PCDH15: variants seen among roughly 807,000 people sequenced by gnomAD.
The protein encoded by PCDH15 is protocadherin related 15, also known as protocadherin-15.
In PCDH15, 129 loss-of-function variants were observed where a neutral mutation model predicts 178.5. The observed-to-expected ratio is 0.72, with a 90% CI of 0.63 to 0.84. The LOEUF (loss-of-function observed/expected upper bound fraction) is 0.84, where lower values mean the gene tolerates loss of function less well. Ranked by LOEUF, PCDH15 falls within the 40% of genes least tolerant of loss-of-function variation. PCDH15 has a pLI of 0.00. For missense variants in PCDH15, 2,230 were observed against 2,099.9 expected (o/e 1.06, Z -1.21); for synonymous variants, 800 against 732.0 (o/e 1.09, Z -1.50).
Position 55,453,854 on chromosome 10 carries a change from C to T in PCDH15, c.-156+173771G>A, listed in dbSNP as rs1475791783. Among the ~76,000 whole-genome samples, 4 of 152,148 alleles carry T rather than the reference C, an allele frequency of 2.6e-5. No individual in the cohort carries two copies. The South Asian group carries it at 8.3e-4, about 32-fold the overall frequency. On this transcript the variant is annotated intron_variant, in intron 2 of 5. Transcript: ENST00000613346. ...TATCTTGAAATAAAAGACTATCCCT[C>T]GAGGATATCTCATTTAGCTTCTGCT...
chr10:55,245,492 A>G (rs1203479651), intron 1 of PCDH15, among the ~76,000 whole-genome samples: 1 of 152,128 alleles, frequency 6.6e-6, no homozygotes, highest in Non-Finnish European at 1.5e-5. Flanking sequence ...ATTCTGACCC[A>G]AGCTATGGAA....
chr10:54,955,933 A>G (rs952066922), intron 2 of PCDH15, among the ~76,000 whole-genome samples: 1 of 151,482 alleles, frequency 6.6e-6, no homozygotes, highest in Non-Finnish European at 1.5e-5. Flanking sequence ...GCAAAGCCAT[A>G]ATGAAATTCA....
rs552223874 is a variant in PCDH15 at position 54,676,118 on chromosome 10, G to A, written c.-28-11828C>T. 2.0e-5 allele frequency among the ~76,000 whole-genome samples: 3 copies of A among 152,134 alleles called. No individual in the cohort carries two copies. In the South Asian group the frequency reaches 6.2e-4, roughly 32 times the overall value. ...TGTAAATTCTCACAGAGAGTATGGA[G>A]ATGTTTGTACATAAATATATACTTA... On this transcript the variant is annotated intron_variant, in intron 1 of 37. Transcript: ENST00000644397.
chr10:54,090,978 CT>C (rs898562493), intron 15 of PCDH15, among the ~76,000 whole-genome samples: 4 of 152,016 alleles, frequency 2.6e-5, no homozygotes, highest in African/African-American at 4.8e-5. Flanking sequence ...AAATATTAAC[CT>C]TTTTGTTGGT....
intron 9 of PCDH15, among the ~76,000 whole-genome samples, chr10:54,218,550 G>C (rs116140253): frequency 0.018 from 2,762 of 151,118 alleles, 102 homozygotes; most frequent in African/African-American, 0.065. Context: ...TCTGTCCAAG[G>C]GCACACAGAG....
chr10:55,337,447 A>G (rs1844424740), intron 2 of PCDH15, among the ~76,000 whole-genome samples: 2 of 152,212 alleles, frequency 1.3e-5, no homozygotes, highest in South Asian at 4.1e-4. Flanking sequence ...CCCATAGATT[A>G]AACTAAATCC....
intron 1 of PCDH15, among the ~76,000 whole-genome samples, chr10:54,798,801 G>A (rs138280800): frequency 2.6e-4 from 39 of 152,126 alleles, no homozygotes; most frequent in Admixed American, 1.5e-3. Flanking sequence ...AAATGTAAAT[G>A]TATATGGGGG....
chr10:54,627,099 G>A (rs867553900), intron 2 of PCDH15, among the ~76,000 whole-genome samples: 1 of 152,156 alleles, frequency 6.6e-6, no homozygotes, highest in African/African-American at 2.4e-5. Flanking sequence ...GACTGTATCT[G>A]CATTGTATCT....
chr10:55,308,376 A>T (rs1346961694), intron 1 of PCDH15, among the ~76,000 whole-genome samples: 1 of 152,146 alleles, frequency 6.6e-6, no homozygotes, highest in Admixed American at 6.5e-5. Context: ...ATAGCCAGAA[A>T]CACTTTCCAC....
At chr10:55,428,869 G>T (rs562904497) in intron 2 of PCDH15, among the ~76,000 whole-genome samples, 1 of 151,198 alleles carries the variant, frequency 6.6e-6, no homozygotes. Flanking sequence ...ATTAATATCC[G>T]TTTTTCCCAT....
intron 2 of PCDH15, among the ~76,000 whole-genome samples, chr10:55,129,662 A>G (rs868276839): frequency 6.6e-6 from 1 of 152,092 alleles, no homozygotes; most frequent in Admixed American, 6.6e-5. Flanking sequence ...TGTACCTGTC[A>G]GTTTTAAAGA....
intron 2 of PCDH15, among the ~76,000 whole-genome samples, chr10:55,574,923 T>C (rs967621471): frequency 2.0e-5 from 3 of 152,092 alleles, no homozygotes; most frequent in East Asian, 1.9e-4. Context: ...CTCTTGATGG[T>C]TGAACCTAGA....
intron 26 of PCDH15, among the ~76,000 whole-genome samples, chr10:53,883,238 A>C (rs954005116): frequency 5.3e-5 from 8 of 152,102 alleles, no homozygotes; most frequent in Non-Finnish European, 1.0e-4. Context: ...TCTTCCAGCA[A>C]ACTAGGATCA....
chr10:55,464,005 GAA>G (rs773166226), intron 2 of PCDH15, among the ~76,000 whole-genome samples: 1 of 66,960 alleles, frequency 1.5e-5, no homozygotes, highest in Admixed American at 1.6e-4. Flanking sequence ...AAGAAAGAAA[GAA>G]AGAAAGAAAG....
intron 2 of PCDH15, among the ~76,000 whole-genome samples, chr10:55,427,539 C>T (rs1838785649): frequency 6.6e-6 from 1 of 152,090 alleles, no homozygotes; most frequent in Non-Finnish European, 1.5e-5. Flanking sequence ...CGAAGAGCAG[C>T]ATATAAAATA....
At chr10:54,009,501 G>A (rs887405672) in intron 20 of PCDH15, among the ~76,000 whole-genome samples, 4 of 152,178 alleles carry the variant, frequency 2.6e-5, no homozygotes, top group African/African-American at 9.6e-5. Flanking sequence ...AAAAGACAGC[G>A]AAAGAGGTGG....
chr10:53,982,805 A>C (rs1032080840), intron 21 of PCDH15, among the ~76,000 whole-genome samples: 3 of 151,826 alleles, frequency 2.0e-5, no homozygotes, highest in Admixed American at 6.6e-5. Flanking sequence ...ATGTACCCTA[A>C]AACTTAAAGT....
intron 1 of PCDH15, among the ~76,000 whole-genome samples, chr10:55,198,326 GC>G (rs1840149846): frequency 6.6e-6 from 1 of 152,018 alleles, no homozygotes; most frequent in African/African-American, 2.4e-5. Flanking sequence ...TGGAGGAGTG[GC>G]CTGATAGGTG....
At chr10:54,698,115 A>G (rs2095260494) in intron 1 of PCDH15, among the ~76,000 whole-genome samples, 2 of 152,236 alleles carry the variant, frequency 1.3e-5, no homozygotes, top group Admixed American at 6.5e-5. Context: ...ACAGCCACCT[A>G]CAGAAAGGGA....
Sources: allele counts gnomAD v4.1 joint callset (sites outside exome capture counted in the v4.1 genomes callset), GRCh38; gene constraint gnomAD v4.1.1; transcripts MANE v1.5; gene names NCBI Gene and HGNC (gene_info 2026-07-23, HGNC 2026-07-21).